Variants in NFIB observed in about 807,000 individuals in gnomAD.
NFIB encodes nuclear factor I B.
Under a neutral mutation model 61.5 loss-of-function variants are expected in NFIB, and 11 were observed. The ratio of observed to expected loss-of-function variants is 0.18; its 90% CI spans 0.11 to 0.30. The LOEUF (loss-of-function observed/expected upper bound fraction) is 0.30, where lower values mean the gene tolerates loss of function less well. NFIB is among the 10% of genes least tolerant of loss of function. The pLI, the probability that NFIB is intolerant of heterozygous loss-of-function variation, is 1.00. For missense variants in NFIB, 471 were observed against 608.9 expected (o/e 0.77, Z 2.38); for synonymous variants, 260 against 216.5 (o/e 1.20, Z -1.76).
intron 2 of NFIB, among the ~76,000 whole-genome samples, chr9:14,195,641 T>C (rs567800902): frequency 6.6e-6 from 1 of 152,360 alleles, no homozygotes; most frequent in East Asian, 1.9e-4. Context: ...ATTTGGAAGT[T>C]TGGCTACAGC....
chr9:14,484,581 T>G, the NFIB span, among the ~76,000 whole-genome samples: 1 of 152,190 alleles, frequency 6.6e-6, no homozygotes, highest in Non-Finnish European at 1.5e-5. Context: ...AATACAAACA[T>G]AGGTATGTGT....
Position 14,082,343 on chromosome 9 carries a change from G to A in NFIB, c.*5966C>T, listed in dbSNP as rs2032078684. 1 of 205,006 alleles carries A rather than the reference G, an allele frequency of 4.9e-6. No individual in the cohort carries two copies. Among genetic ancestry groups the A allele is most frequent in the Non-Finnish European group, 1.0e-5 (1 of 99,922 alleles). The allele number at this position is 205,006 out of a possible 1,614,324, so 12.7% of individuals were successfully genotyped here. On this transcript the variant is annotated 3_prime_UTR_variant, in exon 11 of 11. Transcript: ENST00000380953. ...AACTGACTACTCGTCACCTACAGTTGTACTAAATGTATCTAAAGAAACACA... is the reference window on the plus strand; with the variant it reads ...AACTGACTACTCGTCACCTACAGTTATACTAAATGTATCTAAAGAAACACA...
chr9:14,473,370 T>A, the NFIB span, among the ~76,000 whole-genome samples: 3 of 152,148 alleles, frequency 2.0e-5, no homozygotes, highest in Non-Finnish European at 2.9e-5. Flanking sequence ...GATCTTCTTA[T>A]TGAATTATTT....
At chr9:14,474,574 C>T in the NFIB span, among the ~76,000 whole-genome samples, 1 of 152,162 alleles carries the variant, frequency 6.6e-6, no homozygotes, top group East Asian at 1.9e-4. Context: ...AATCTAAGTC[C>T]AAAGTCTCAT....
At chr9:14,187,773 A>G (rs1227941312) in intron 2 of NFIB, among the ~76,000 whole-genome samples, 1 of 152,106 alleles carries the variant, frequency 6.6e-6, no homozygotes, top group Non-Finnish European at 1.5e-5. Flanking sequence ...TTTAAGGTGG[A>G]AAAAAAATCA....
At chr9:14,337,584 T>C (rs1418387897) in intron 1 of NFIB, among the ~76,000 whole-genome samples, 1 of 152,220 alleles carries the variant, frequency 6.6e-6, no homozygotes, top group Non-Finnish European at 1.5e-5. Context: ...GAAGTGCACA[T>C]CTCCTCACTT....
chr9:14,519,271 A>T, the NFIB span, among the ~76,000 whole-genome samples: 16 of 152,296 alleles, frequency 1.1e-4, no homozygotes, highest in Middle Eastern at 3.4e-3. Flanking sequence ...CAGGAAGAGA[A>T]GTTGAGAGAG....
intron 8 of NFIB, among the ~76,000 whole-genome samples, chr9:14,118,737 G>A (rs149856001): frequency 2.6e-5 from 4 of 150,980 alleles, no homozygotes; most frequent in African/African-American, 9.7e-5. Context: ...ACAAAATCCT[G>A]AGAGTTTTTT....
exon 1 of NFIB, chr9:14,398,623 T>A: frequency 6.5e-7 from 1 of 1,530,068 alleles, no homozygotes; most frequent in Non-Finnish European, 8.7e-7. Context: ...ACACTGGGAT[T>A]CTTTCCATAC....
At chr9:14,381,410 T>C (rs2061488151) in intron 1 of NFIB, among the ~76,000 whole-genome samples, 1 of 152,080 alleles carries the variant, frequency 6.6e-6, no homozygotes, top group Non-Finnish European at 1.5e-5. Context: ...AGGTTGGTCT[T>C]GAACTCCTGG....
chr9:14,226,994 AGCCG>A (rs910604845), intron 2 of NFIB, among the ~76,000 whole-genome samples: 2 of 150,404 alleles, frequency 1.3e-5, no homozygotes, highest in Admixed American at 6.6e-5. Context: ...AAAAAAAATT[AGCCG>A]GCCGTGGTGG....
intron 1 of NFIB, among the ~76,000 whole-genome samples, chr9:14,351,809 G>A (rs1588353238): frequency 6.6e-6 from 1 of 152,326 alleles, no homozygotes; most frequent in East Asian, 1.9e-4. Flanking sequence ...CAAGTGGCTT[G>A]TGTCTCATTG....
At chr9:14,478,725 A>G in the NFIB span, among the ~76,000 whole-genome samples, 1 of 152,298 alleles carries the variant, frequency 6.6e-6, no homozygotes, top group African/African-American at 2.4e-5. Context: ...CTCTATCAGT[A>G]TATATTTAGC....
the NFIB span, among the ~76,000 whole-genome samples, chr9:14,511,595 A>ATAGC: frequency 1.3e-5 from 2 of 152,198 alleles, no homozygotes; most frequent in Admixed American, 6.5e-5. Context: ...CTAAAAGGCT[A>ATAGC]GCCTGAGATG....
intron 2 of NFIB, among the ~76,000 whole-genome samples, chr9:14,218,876 T>C (rs1455553273): frequency 6.6e-6 from 1 of 152,200 alleles, no homozygotes; most frequent in East Asian, 1.9e-4. Flanking sequence ...AAAAGACATT[T>C]ATTAAGTACC....
At chr9:14,257,120 G>C (rs557140362) in intron 2 of NFIB, among the ~76,000 whole-genome samples, 80 of 152,310 alleles carry the variant, frequency 5.3e-4, no homozygotes, top group African/African-American at 1.6e-3. Context: ...ATCTGACTTT[G>C]ACACCTACTA....
At chr9:14,119,588 T>A (rs2038653665) in intron 8 of NFIB, among the ~76,000 whole-genome samples, 1 of 152,194 alleles carries the variant, frequency 6.6e-6, no homozygotes, top group Non-Finnish European at 1.5e-5. Flanking sequence ...AATGACGGAA[T>A]GTTTGTGAAA....
chr9:14,314,174 C>T, upstream of NFIB: 2 of 25,342 alleles, frequency 7.9e-5, no homozygotes, highest in Non-Finnish European at 1.3e-4. Flanking sequence ...GGGAGAGGGC[C>T]GGGGTGGGGG....
chr9:14,241,355 C>A (rs2054326115), intron 2 of NFIB, among the ~76,000 whole-genome samples: 2 of 152,106 alleles, frequency 1.3e-5, no homozygotes, highest in Non-Finnish European at 2.9e-5. Context: ...ACTAAAAAAA[C>A]AGCAGTTCAT....
Sources: gnomAD v4.1 joint callset for allele counts (sites outside exome capture counted in the v4.1 genomes callset) on GRCh38, gnomAD v4.1.1 for gene constraint, MANE v1.5 for transcripts, NCBI Gene and HGNC (gene_info 2026-07-23, HGNC 2026-07-21) for gene names.